ARFGAP3: variants seen among roughly 807,000 people sequenced by gnomAD.
ARFGAP3 encodes ARF GTPase activating protein 3, also known as ADP-ribosylation factor GTPase-activating protein 3.
ARFGAP3 carries 72 observed loss-of-function variants against 75.0 expected under a neutral mutation model. That is an observed-to-expected ratio of 0.96 (90% CI 0.79 to 1.17). ARFGAP3 has a LOEUF of 1.17. ARFGAP3 is among the 50% of genes most tolerant of loss of function. The pLI is 0.00. For synonymous variants in ARFGAP3, 221 were observed against 217.9 expected (o/e 1.01, Z -0.13); for missense variants, 620 against 626.6 (o/e 0.99, Z 0.11).
intron 9 of ARFGAP3, among the ~76,000 whole-genome samples, chr22:42,821,805 T>G (rs1925823985): frequency 6.6e-6 from 1 of 152,224 alleles, no homozygotes; most frequent in Admixed American, 6.5e-5. Context: ...TCTGAAGGAC[T>G]GCCAAACTGT....
At chr22:42,831,156 G>C (rs1463953646) in intron 6 of ARFGAP3, among the ~76,000 whole-genome samples, 2 of 151,912 alleles carry the variant, frequency 1.3e-5, no homozygotes, top group Admixed American at 1.3e-4. Context: ...GATGTGCGGT[G>C]CATGTCTGTA....
intron 9 of ARFGAP3, 91 bp downstream of exon 9, chr22:42,822,179 C>CA (rs1403136263): frequency 4.7e-6 from 5 of 1,056,664 alleles, no homozygotes; most frequent in Non-Finnish European, 7.0e-6. Context: ...CTTCCCCCCC[C>CA]ACACAAAAAT....
At chr22:42,835,892 A>C (rs1310879525) in intron 3 of ARFGAP3, among the ~76,000 whole-genome samples, 2 of 152,050 alleles carry the variant, frequency 1.3e-5, no homozygotes, top group Non-Finnish European at 2.9e-5. Flanking sequence ...TCATTTGTCC[A>C]TTAAACCATC....
intron 14 of ARFGAP3, 192 bp from the exon 15 acceptor site, chr22:42,799,352 C>G: frequency 1.8e-6 from 1 of 564,016 alleles, no homozygotes; most frequent in Non-Finnish European, 2.2e-6. Context: ...AGAGAATCCA[C>G]ACGACAGAAA....
At chr22:42,801,074 C>G (rs1924834172) in intron 14 of ARFGAP3, among the ~76,000 whole-genome samples, 1 of 151,324 alleles carries the variant, frequency 6.6e-6, no homozygotes, top group Admixed American at 6.5e-5. Flanking sequence ...ACAGAGCAAA[C>G]TCAGGTAGAC....
intron 5 of ARFGAP3, chr22:42,831,848 T>A (rs1157856961): frequency 6.5e-6 from 4 of 614,104 alleles, no homozygotes; most frequent in Non-Finnish European, 8.1e-6. Context: ...AGAAGCACAA[T>A]CACAGCTCAC....
At chr22:42,840,708 C>T (rs1194527382) in intron 3 of ARFGAP3, among the ~76,000 whole-genome samples, 4 of 152,084 alleles carry the variant, frequency 2.6e-5, no homozygotes, top group Admixed American at 6.6e-5. Flanking sequence ...GGATTACAGG[C>T]GTGAGACACC....
intron 1 of ARFGAP3, among the ~76,000 whole-genome samples, chr22:42,851,189 C>G (rs1927262772): frequency 6.6e-6 from 1 of 152,214 alleles, no homozygotes; most frequent in African/African-American, 2.4e-5. Context: ...ACATGGAGCC[C>G]ACAGTCTAGC....
chr22:42,848,247 C>T (rs939968257), intron 1 of ARFGAP3, among the ~76,000 whole-genome samples: 1 of 152,130 alleles, frequency 6.6e-6, no homozygotes, highest in African/African-American at 2.4e-5. Flanking sequence ...CTCGCTCTGT[C>T]GCCCAGGCTG....
intron 14 of ARFGAP3, among the ~76,000 whole-genome samples, chr22:42,806,425 G>C (rs1925126007): frequency 6.6e-6 from 1 of 152,234 alleles, no homozygotes; most frequent in African/African-American, 2.4e-5. Context: ...GGGAGGACCA[G>C]ACACCTCCTC....
At chr22:42,843,509 C>T (rs1019018876) in intron 2 of ARFGAP3, among the ~76,000 whole-genome samples, 1 of 152,162 alleles carries the variant, frequency 6.6e-6, no homozygotes, top group African/African-American at 2.4e-5. Flanking sequence ...GCTGGGATTA[C>T]AGGCGCAAGC....
intron 6 of ARFGAP3, among the ~76,000 whole-genome samples, chr22:42,827,990 G>A (rs1428725527): frequency 2.6e-5 from 4 of 152,092 alleles, no homozygotes; most frequent in African/African-American, 9.7e-5. Flanking sequence ...TTTAAAAATA[G>A]ATAAAGTGTA....
At chr22:42,851,930 C>A (rs1866177734) in intron 1 of ARFGAP3, among the ~76,000 whole-genome samples, 1 of 152,314 alleles carries the variant, frequency 6.6e-6, no homozygotes, top group Admixed American at 6.5e-5. Context: ...TAGTAGGGTA[C>A]TAGTAGAAGG....
intron 5 of ARFGAP3, among the ~76,000 whole-genome samples, chr22:42,832,550 A>G (rs1320627465): frequency 6.6e-6 from 1 of 151,452 alleles, no homozygotes; most frequent in African/African-American, 2.4e-5. Flanking sequence ...AAAAAAAACG[A>G]AAGAAAAAAA....
At chr22:42,805,885 T>G (rs1349956953) in intron 14 of ARFGAP3, among the ~76,000 whole-genome samples, 1 of 152,190 alleles carries the variant, frequency 6.6e-6, no homozygotes, top group African/African-American at 2.4e-5. Context: ...CTTGTCTCAC[T>G]TGCTGCCACC....
intron 11 of ARFGAP3, among the ~76,000 whole-genome samples, chr22:42,813,444 G>A (rs992704316): frequency 1.3e-5 from 2 of 152,180 alleles, no homozygotes; most frequent in Non-Finnish European, 2.9e-5. Flanking sequence ...ATGACTCTGT[G>A]ATACTAAATT....
intron 9 of ARFGAP3, among the ~76,000 whole-genome samples, chr22:42,821,721 T>G (rs1602106243): frequency 6.7e-6 from 1 of 150,282 alleles, no homozygotes; most frequent in Non-Finnish European, 1.5e-5. Context: ...TGCACAGATG[T>G]AAGTTTTAAT....
rs1267843210 is a variant in ARFGAP3 at position 42,799,077 on chromosome 22, G to A, written c.1495C>T (p.Leu499Phe). The change falls in exon 15 of 16, where the codon CTC becomes TTC. Residue 499 changes from leucine to phenylalanine, a missense_variant. Leu to Phe is a conservative substitution (Grantham distance 22). Coordinates refer to ENST00000263245, the MANE Select transcript of ARFGAP3 (RefSeq NM_014570.5). Reference protein sequence around the residue: ...KQGVRSVAGKLSVFANGVVTS... With the variant: ...KQGVRSVAGKFSVFANGVVTS... ...ACGACTCCATTAGCAAAGACGGAGA[G>A]TTTTCCAGCAACCGATCTCACTCCC... 1 of 1,614,190 alleles carries A rather than the reference G, an allele frequency of 6.2e-7. No homozygotes were observed. The highest frequency in any genetic ancestry group is 1.7e-5 in the Admixed American group (1 of 60,020).
intron 1 of ARFGAP3, among the ~76,000 whole-genome samples, chr22:42,854,610 G>C (rs1927419210): frequency 6.6e-6 from 1 of 151,434 alleles, no homozygotes; most frequent in African/African-American, 2.4e-5. Flanking sequence ...GGACAACAGA[G>C]CTAGACTGTC....
Sources: gnomAD v4.1 joint callset for allele counts (sites outside exome capture counted in the v4.1 genomes callset) on GRCh38, gnomAD v4.1.1 for gene constraint, MANE v1.5 for transcripts, NCBI Gene and HGNC (gene_info 2026-07-23, HGNC 2026-07-21) for gene names.